VPS13C: variants seen among roughly 807,000 people sequenced by gnomAD.
The protein encoded by VPS13C is intermembrane lipid transfer protein VPS13C.
A neutral mutation model predicts 456.8 loss-of-function variants in VPS13C; 358 were observed. That is an observed-to-expected ratio of 0.78 (90% CI 0.72 to 0.86). The LOEUF is 0.86. Ranked by LOEUF, VPS13C falls within the 40% of genes least tolerant of loss-of-function variation. The probability of loss-of-function intolerance (pLI) is 0.00; values close to 1 mark genes in which losing one functional copy is unlikely to be tolerated. For missense variants in VPS13C, 4,818 were observed against 4,385.4 expected (o/e 1.10, Z -2.79); for synonymous variants, 1,578 against 1,486.7 (o/e 1.06, Z -1.41).
chr15:61,895,511 C>T (rs921926306), intron 66 of VPS13C, among the ~76,000 whole-genome samples: 2 of 152,020 alleles, frequency 1.3e-5, no homozygotes, highest in African/African-American at 4.8e-5. Context: ...AATAAGGAGA[C>T]TTATAACAGT....
chr15:62,012,284 T>C (rs2140513861), intron 11 of VPS13C, 120 bp from the exon 12 acceptor site: 3 of 557,720 alleles, frequency 5.4e-6, no homozygotes, highest in Non-Finnish European at 9.6e-6. Context: ...TCAATATCTT[T>C]GCTTCTCTGT....
intron 15 of VPS13C, among the ~76,000 whole-genome samples, chr15:62,005,192 A>T (rs2046788037): frequency 1.3e-5 from 2 of 152,140 alleles, no homozygotes; most frequent in South Asian, 4.1e-4. Context: ...TTGCTTTATG[A>T]ATCTGGGTGC....
intron 5 of VPS13C, among the ~76,000 whole-genome samples, chr15:62,030,475 G>A (rs1006413990): frequency 1.8e-4 from 28 of 151,942 alleles, no homozygotes; most frequent in African/African-American, 6.3e-4. Flanking sequence ...AGCAAGTGCC[G>A]GCATCATGCT....
At chr15:61,873,185 C>G (rs940292617) in intron 78 of VPS13C, 61 bp downstream of exon 78, 1 of 1,599,442 alleles carries the variant, frequency 6.3e-7, no homozygotes, top group African/African-American at 1.3e-5. Flanking sequence ...TTTCACACAA[C>G]CAGCTAGAAT....
chr15:61,934,795 G>A (rs1166238120), intron 48 of VPS13C, among the ~76,000 whole-genome samples: 1 of 152,036 alleles, frequency 6.6e-6, no homozygotes, highest in African/African-American at 2.4e-5. Context: ...GTGTTGCCCA[G>A]GCTGGAGTGC....
In VPS13C at chr15:61,882,694, G is replaced by A. The variant is rs115741196; in HGVS notation, c.9526C>T (p.Arg3176Cys). Residue 3176 changes from arginine to cysteine, a missense_variant, in exon 69 of 85, where the codon CGT becomes TGT. Arg to Cys is a radical substitution (Grantham distance 180). Coordinates refer to ENST00000644861, the MANE Select transcript of VPS13C (RefSeq NM_020821.3). ...AAAAAGTCTCGTTTAATAGGGCTAC[G>A]AATAGGGAGGCGCATTTCCATTGGA... is the stretch of plus-strand genomic sequence containing the variant. Reference protein sequence around the residue: ...KDPMEMRLPIRSPIKRDFLSG... With the variant: ...KDPMEMRLPICSPIKRDFLSG... 9.1e-5 allele frequency: 145 copies of A among 1,594,870 alleles called. No homozygotes were observed. Among genetic ancestry groups the A allele is most frequent in the Middle Eastern group, 3.3e-4 (2 of 5,992 alleles).
chr15:61,940,946 A>C, intron 46 of VPS13C, 152 bp from the exon 47 acceptor site: 1 of 809,012 alleles, frequency 1.2e-6, no homozygotes, highest in Non-Finnish European at 1.8e-6. Flanking sequence ...CACATTTTTA[A>C]GATCAATCTA....
At chr15:61,933,659 A>G (rs1402131326) in intron 49 of VPS13C, among the ~76,000 whole-genome samples, 2 of 152,112 alleles carry the variant, frequency 1.3e-5, no homozygotes, top group East Asian at 3.8e-4. Flanking sequence ...AATAAAAAAT[A>G]GCTCTCTAAA....
intron 24 of VPS13C, among the ~76,000 whole-genome samples, chr15:61,976,222 T>C (rs2045698345): frequency 1.3e-5 from 2 of 151,982 alleles, no homozygotes; most frequent in Admixed American, 6.6e-5. Context: ...TAATGAAAAG[T>C]TGGTTTAACA....
At position 61,936,587 on chromosome 15, in the gene VPS13C, C is replaced by A; in HGVS notation, c.5755+10G>T. Reference sequence around the variant, plus strand: ...TTTTTCTCCATAAAGTAAATATCATCAATTTATACCTTTGAGATGGTCAGG... The same window carrying A: ...TTTTTCTCCATAAAGTAAATATCATAAATTTATACCTTTGAGATGGTCAGG... On this transcript the variant is annotated intron_variant, in intron 48 of 84. Transcript: ENST00000644861. 6.6e-7 allele frequency: 1 copy of A among 1,513,378 alleles called. No homozygotes were observed. The highest frequency in any genetic ancestry group is 8.8e-7 in the Non-Finnish European group (1 of 1,132,112). The allele number at this position is 1,513,378 out of a possible 1,614,324, so 93.7% of individuals were successfully genotyped here. A position where few individuals can be genotyped will look rare whatever the true frequency, so the allele number is the denominator to read the frequency against.
intron 64 of VPS13C, 134 bp from the exon 65 acceptor site, chr15:61,909,259 G>C (rs1211069991): frequency 3.7e-6 from 4 of 1,089,652 alleles, no homozygotes. Context: ...CCAGGCTGGA[G>C]TACAGTGGCG....
At chr15:61,884,077 C>T (rs1896082307) in intron 68 of VPS13C, 51 bp downstream of exon 68, 1 of 1,520,624 alleles carries the variant, frequency 6.6e-7, no homozygotes, top group Non-Finnish European at 8.8e-7. Flanking sequence ...CTTACTACCA[C>T]CACCAAGAAA....
intron 15 of VPS13C, among the ~76,000 whole-genome samples, chr15:62,003,208 G>C (rs1047057739): frequency 1.1e-4 from 16 of 151,550 alleles, no homozygotes; most frequent in African/African-American, 3.2e-4. Context: ...GCAGTGGTTT[G>C]TAGTTCTCCT....
rs754547961 is a variant in VPS13C at position 61,940,733 on chromosome 15, G to A, written c.5515C>T (p.Leu1839Phe). ...DIEILKPVNM[L>F]LSIQRNLAAA... Reference sequence around the variant, plus strand: ...GCTAAGTTTCGCTGTATGGACAAAAGCATGTTGACTGGTTTTAAAATTTCA... The same window carrying A: ...GCTAAGTTTCGCTGTATGGACAAAAACATGTTGACTGGTTTTAAAATTTCA... The change falls in exon 47 of 85, where the codon CTT becomes TTT. Residue 1839 changes from leucine (L) to phenylalanine (F), a missense_variant. By Grantham distance (22) the Leu-to-Phe change is conservative (BLOSUM62 0). Around this residue, in one of 3 missense-constraint regions of VPS13C, gnomAD observed 4,552 missense variants for 4,130.6 expected, o/e 1.10. Coordinates refer to ENST00000644861, the MANE Select transcript of VPS13C (RefSeq NM_020821.3). The A allele has an allele frequency of 6.2e-7, 1 of 1,613,718 alleles. No homozygotes were observed. Among genetic ancestry groups the A allele is most frequent in the Non-Finnish European group, 8.5e-7 (1 of 1,179,814 alleles).
At chr15:61,918,624 T>A (rs1322868096) in intron 58 of VPS13C, among the ~76,000 whole-genome samples, 1 of 152,014 alleles carries the variant, frequency 6.6e-6, no homozygotes, top group Non-Finnish European at 1.5e-5. Context: ...CAAAAAATCA[T>A]GAGAAAAATA....
intron 15 of VPS13C, among the ~76,000 whole-genome samples, chr15:62,003,346 T>C (rs1387577715): frequency 6.6e-6 from 1 of 151,690 alleles, no homozygotes; most frequent in Non-Finnish European, 1.5e-5. Context: ...ATAAGAATGC[T>C]TGTGATTTTT....
chr15:61,881,628 G>A lies in VPS13C; in HGVS notation c.9711C>T (p.Pro3237=), dbSNP rs1425209811. Residue 3237 remains proline, a synonymous_variant, in exon 71 of 85, where the codon CCC becomes CCT. Coordinates refer to ENST00000644861, the MANE Select transcript of VPS13C (RefSeq NM_020821.3). ...PPKSIALDSE[P]KPFIDVSVIT... ...TGACACTCACATCAATGAAAGGCTT[G>A]GGCTCTAAGAGGAAGAAGTAACACA... The A allele has an allele frequency of 1.2e-6, 2 of 1,612,414 alleles. No homozygotes were observed. Among genetic ancestry groups the A allele is most frequent in the Non-Finnish European group, 1.7e-6 (2 of 1,179,218 alleles).
Position 61,967,444 on chromosome 15 carries a change from G to A in VPS13C, c.2915C>T (p.Ser972Phe), listed in dbSNP as rs758825060. 2 of 1,586,054 alleles carry A rather than the reference G, an allele frequency of 1.3e-6. No individual in the cohort carries two copies. Among genetic ancestry groups the A allele is most frequent in the Non-Finnish European group, 1.7e-6 (2 of 1,169,078 alleles). Residue 972 changes from serine (S) to phenylalanine (F), a missense_variant, in exon 29 of 85, where the codon TCC becomes TTC. Around this residue, in one of 3 missense-constraint regions of VPS13C, gnomAD observed 4,552 missense variants for 4,130.6 expected, o/e 1.10. Transcript: ENST00000644861. ...AATCAAGTGAAGGGGCTTCCTTTTG[G>A]ATCCTAGATTAAAGAAAAAGGAAAA... is the stretch of plus-strand genomic sequence containing the variant. ...ISLDYHEIEG[S>F]KRKPLHLISS...
chr15:61,908,678 A>G (rs1397964866), intron 65 of VPS13C, among the ~76,000 whole-genome samples: 1 of 152,214 alleles, frequency 6.6e-6, no homozygotes, highest in Non-Finnish European at 1.5e-5. Context: ...AAAAAGCTCT[A>G]AAAGCCCAAA....
Sources: gnomAD v4.1 joint callset for allele counts (sites outside exome capture counted in the v4.1 genomes callset) on GRCh38, gnomAD v4.1.1 for gene constraint, gnomAD v4.1.1 regional missense constraint, MANE v1.5 for transcripts, NCBI Gene and HGNC (gene_info 2026-07-23, HGNC 2026-07-21) for gene names.